Variants in NDUFA11 observed in about 807,000 individuals in gnomAD.
NDUFA11 encodes the protein NADH dehydrogenase [ubiquinone] 1 alpha subcomplex subunit 11.
Under a neutral mutation model 11.3 loss-of-function variants are expected in NDUFA11, and 14 were observed. The observed-to-expected ratio is 1.24, with a 90% CI of 0.82 to 1.94. NDUFA11 has a LOEUF of 1.94. Ranked by LOEUF, NDUFA11 falls within the 30% of genes most tolerant of loss-of-function variation. The pLI, the probability that NDUFA11 is intolerant of heterozygous loss-of-function variation, is 0.00. For missense variants in NDUFA11, 204 were observed against 200.3 expected (o/e 1.02, Z -0.11); for synonymous variants, 87 against 85.6 (o/e 1.02, Z -0.09).
chr19:5,901,665 GGTTT>G (rs1372570304), intron 1 of NDUFA11, among the ~76,000 whole-genome samples: 1 of 120,902 alleles, frequency 8.3e-6, no homozygotes, highest in Admixed American at 1.0e-4. Context: ...TGTTTCTTTG[GGTTT>G]TTTTTTTTTT....
At chr19:5,899,596 G>A (rs1229257278) in intron 1 of NDUFA11, among the ~76,000 whole-genome samples, 2 of 149,952 alleles carry the variant, frequency 1.3e-5, no homozygotes, top group African/African-American at 2.5e-5. Flanking sequence ...GATTACAGGC[G>A]CCTGCCACCA....
intron 1 of NDUFA11, chr19:5,901,327 A>C: frequency 7.8e-7 from 1 of 1,283,272 alleles, no homozygotes; most frequent in Non-Finnish European, 1.0e-6. Flanking sequence ...AAGACCCTCG[A>C]TAAGGACCTG....
intron 1 of NDUFA11, among the ~76,000 whole-genome samples, chr19:5,898,873 C>CAAAAT: frequency 8.9e-6 from 1 of 111,958 alleles, no homozygotes; most frequent in East Asian, 2.4e-4. Context: ...GACTCCGTCT[C>CAAAAT]AAAATAAAAA....
At chr19:5,897,036 C>T in intron 1 of NDUFA11, 39 bp from the exon 2 acceptor site, 1 of 1,545,008 alleles carries the variant, frequency 6.5e-7, no homozygotes. Context: ...GACCCCACTG[C>T]TGCTAAGCCC....
intron 1 of NDUFA11, among the ~76,000 whole-genome samples, chr19:5,901,923 G>T (rs999726190): frequency 6.1e-5 from 9 of 146,988 alleles, no homozygotes; most frequent in Admixed American, 1.4e-4. Context: ...CACCTGCCTC[G>T]GCCTCCCAAA....
At chr19:5,900,088 C>T (rs901032120) in intron 1 of NDUFA11, 1 of 152,186 alleles carries the variant, frequency 6.6e-6, no homozygotes, top group African/African-American at 2.4e-5. Flanking sequence ...CTGATTATCC[C>T]ATAGAGGTCA....
chr19:5,903,689 C>T lies in NDUFA11; in HGVS notation c.20G>A (p.Arg7His). The T allele has an allele frequency of 6.4e-7, 1 of 1,551,538 alleles. No individual in the cohort carries two copies. The highest frequency in any genetic ancestry group is 8.7e-7 in the Non-Finnish European group (1 of 1,146,910). ...GCCATCGGGGATATCCCAGTACTGACGAAAAACCTTCGGCGCCATAGCCCG... is the reference window on the plus strand; with the variant it reads ...GCCATCGGGGATATCCCAGTACTGATGAAAAACCTTCGGCGCCATAGCCCG... MAPKVF[R>H]QYWDIPDGTD... is the part of the protein sequence containing the mutation. The change falls in exon 1 of 4, where the codon CGT becomes CAT. Residue 7 changes from arginine (R) to histidine (H), a missense_variant. Physicochemically the swap from Arg to His is conservative, Grantham distance 29. Coordinates refer to ENST00000308961, the MANE Select transcript of NDUFA11 (RefSeq NM_175614.5).
At chr19:5,891,786 G>C (rs1174087316), downstream of NDUFA11, 2 of 153,078 alleles carry the variant, frequency 1.3e-5, no homozygotes, top group Non-Finnish European at 1.5e-5. Context: ...GGCCCTCTCT[G>C]CTGTGCCGCC....
At chr19:5,893,383 T>C (rs2057589444), downstream of NDUFA11, 5 of 621,714 alleles carry the variant, frequency 8.0e-6, no homozygotes, top group Admixed American at 8.0e-5. The surrounding 1 kb of genome is among the most constrained non-coding windows in gnomAD (Gnocchi z 4.1). Context: ...GAGAGTCGCA[T>C]AAGCCAGGAA....
downstream of NDUFA11, chr19:5,893,063 G>T (rs2057587531): frequency 6.5e-7 from 1 of 1,536,050 alleles, no homozygotes; most frequent in South Asian, 1.2e-5. The surrounding 1 kb of genome is among the most constrained non-coding windows in gnomAD (Gnocchi z 4.1). Context: ...AGCTCCGGAA[G>T]TGGACGTGAC....
At chr19:5,895,602 G>T in intron 3 of NDUFA11, 1 of 153,000 alleles carries the variant, frequency 6.5e-6, no homozygotes. Context: ...CTCCCAACAT[G>T]CCAGGCCAGA....
chr19:5,892,804 G>A, downstream of NDUFA11: 2 of 1,313,918 alleles, frequency 1.5e-6, no homozygotes, highest in Non-Finnish European at 2.0e-6. Context: ...CTGCAGGGAG[G>A]TGGAATCGTC....
chr19:5,893,038 G>C (rs767835128), downstream of NDUFA11: 2 of 1,535,726 alleles, frequency 1.3e-6, no homozygotes, highest in East Asian at 2.4e-5. The surrounding 1 kb of genome is among the most constrained non-coding windows in gnomAD (Gnocchi z 4.1). Flanking sequence ...CAGGGAGCCC[G>C]AGGCCCGGGC....
chr19:5,894,641 G>A (rs2057596006), downstream of NDUFA11: 2 of 1,546,666 alleles, frequency 1.3e-6, no homozygotes, highest in African/African-American at 1.4e-5. Flanking sequence ...ACCGGCTGCT[G>A]TGTCGCCGTC....
downstream of NDUFA11, chr19:5,892,752 G>T (rs2057585261): frequency 1.1e-6 from 1 of 915,570 alleles, no homozygotes; most frequent in Non-Finnish European, 1.5e-6. Context: ...ACAGAGGCCG[G>T]TGCCCTCGAG....
intron 1 of NDUFA11, among the ~76,000 whole-genome samples, chr19:5,900,658 C>T (rs896707676): frequency 6.6e-6 from 1 of 152,226 alleles, no homozygotes; most frequent in Non-Finnish European, 1.5e-5. Flanking sequence ...TGGCTCACGC[C>T]TGTAATCCCA....
At chr19:5,894,493 G>A (rs2057594893), downstream of NDUFA11, among the ~76,000 whole-genome samples, 1 of 152,196 alleles carries the variant, frequency 6.6e-6, no homozygotes, top group Non-Finnish European at 1.5e-5. Flanking sequence ...CTGGGCTCCC[G>A]ATGGCCCCAG....
downstream of NDUFA11, chr19:5,894,601 C>A (rs1311335961): frequency 6.6e-7 from 1 of 1,517,230 alleles, no homozygotes; most frequent in Non-Finnish European, 8.8e-7. Context: ...ATCTTATCTC[C>A]CTTCCTCACT....
At chr19:5,900,373 C>A (rs2057637197) in intron 1 of NDUFA11, among the ~76,000 whole-genome samples, 1 of 152,210 alleles carries the variant, frequency 6.6e-6, no homozygotes, top group African/African-American at 2.4e-5. Flanking sequence ...ATGGTGCCCA[C>A]AAGATGCTTC....
Sources: gnomAD v4.1 joint callset for allele counts (sites outside exome capture counted in the v4.1 genomes callset) on GRCh38, gnomAD v4.1.1 for gene constraint, Gnocchi (gnomAD v3.1) non-coding constraint, MANE v1.5 for transcripts, NCBI Gene and HGNC (gene_info 2026-07-23, HGNC 2026-07-21) for gene names.